The following RCBTB1 variants were observed in gnomAD, a reference collection of about 807,000 sequenced individuals.
RCBTB1 encodes RCC1 and BTB domain containing protein 1.
In RCBTB1, 46 loss-of-function variants were observed where a neutral mutation model predicts 62.4. That is an observed-to-expected ratio of 0.74 (90% confidence interval 0.58 to 0.94). The LOEUF is 0.94. RCBTB1 is among the 40% of genes least tolerant of loss of function. The pLI is 0.00. For synonymous variants in RCBTB1, 222 were observed against 245.8 expected (o/e 0.90, Z 0.91); for missense variants, 565 against 654.9 (o/e 0.86, Z 1.50).
At chr13:49,564,559 T>TG (rs1358629412) in intron 4 of RCBTB1, among the ~76,000 whole-genome samples, 47 of 109,604 alleles carry the variant, frequency 4.3e-4, no homozygotes, top group South Asian at 9.6e-4. Flanking sequence ...CACTCCAGCC[T>TG]GGAGACAGAG....
rs777383465 is a variant in RCBTB1 at position 49,544,878 on chromosome 13, CAT to C, written c.1046-17_1046-16del. The C allele has an allele frequency of 1.4e-5, 22 of 1,598,970 alleles. No homozygotes were observed. Among genetic ancestry groups the C allele is most frequent in the Admixed American group, 3.4e-5 (2 of 58,642 alleles). On this transcript the variant is annotated splice_polypyrimidine_tract_variant and intron_variant, in intron 9 of 12. Coordinates refer to ENST00000378302, the MANE Select transcript of RCBTB1 (RefSeq NM_018191.4). ...GTCTTCATGCTCTGAAGGCAACAAA[CAT>C]ATATTAATATGGCAAGTTCAAGGAA...
At chr13:49,540,826 G>C in intron 12 of RCBTB1, 50 bp downstream of exon 12, 1 of 1,585,582 alleles carries the variant, frequency 6.3e-7, no homozygotes, top group Non-Finnish European at 8.6e-7. Flanking sequence ...GGGGAGACGA[G>C]CACAAAGGGA....
intron 4 of RCBTB1, among the ~76,000 whole-genome samples, chr13:49,565,263 A>T (rs1250114827): frequency 2.0e-5 from 3 of 152,198 alleles, no homozygotes; most frequent in Non-Finnish European, 1.5e-5. Flanking sequence ...GTGATCTGCC[A>T]GCCTCGGCCT....
At position 49,538,776 on chromosome 13, in the gene RCBTB1, T is replaced by C. The variant is rs999725182; in HGVS notation, c.1455+2100A>G. Among the ~76,000 whole-genome samples the C allele has an allele frequency of 8.6e-5, 13 of 152,012 alleles. 1 individual carries two copies. In the South Asian group the frequency reaches 2.1e-3, roughly 24 times the overall value. ...ATATATATACACACACACACACATA[T>C]ATATATATGCCCTAGAAATAAAGAG... is the stretch of plus-strand genomic sequence containing the variant. On this transcript the variant is annotated intron_variant, in intron 12 of 12. Coordinates refer to ENST00000378302, the MANE Select transcript of RCBTB1 (RefSeq NM_018191.4).
chr13:49,572,928 C>A (rs1164527591), intron 2 of RCBTB1, among the ~76,000 whole-genome samples: 1 of 152,146 alleles, frequency 6.6e-6, no homozygotes, highest in African/African-American at 2.4e-5. Flanking sequence ...ATGGAAAGAA[C>A]CTTCAACTGG....
Position 49,566,780 on chromosome 13 carries a change from A to G in RCBTB1, c.127-12T>C, listed in dbSNP as rs747615791. ...CCAAATACAAAGACCTAGAAAATAG[A>G]TAGTTTTTTTTCTGAGTCTTTTGAC... On this transcript the variant is annotated splice_polypyrimidine_tract_variant and intron_variant, in intron 3 of 12. Transcript: ENST00000378302. 1 of 1,591,716 alleles carries G rather than the reference A, an allele frequency of 6.3e-7. No homozygotes were observed. The highest frequency in any genetic ancestry group is 8.5e-7 in the Non-Finnish European group (1 of 1,171,644).
chr13:49,578,540 A>C (rs1193419283), intron 2 of RCBTB1, among the ~76,000 whole-genome samples: 2 of 152,234 alleles, frequency 1.3e-5, no homozygotes, highest in Admixed American at 1.3e-4. Context: ...GTCAGATCCT[A>C]AGTAAGTGGA....
chr13:49,567,834 G>A (rs1441787580), intron 2 of RCBTB1, among the ~76,000 whole-genome samples: 1 of 152,182 alleles, frequency 6.6e-6, no homozygotes, highest in Non-Finnish European at 1.5e-5. Context: ...CGTCAAATCA[G>A]GCTATTCATT....
intron 2 of RCBTB1, among the ~76,000 whole-genome samples, chr13:49,577,114 G>C (rs1963836500): frequency 6.6e-6 from 1 of 152,218 alleles, no homozygotes; most frequent in South Asian, 2.1e-4. Flanking sequence ...GTGGCATGAG[G>C]AAGAAAAGGT....
chr13:49,567,890 C>A (rs1163788291), intron 2 of RCBTB1, among the ~76,000 whole-genome samples: 9 of 152,096 alleles, frequency 5.9e-5, no homozygotes, highest in Admixed American at 5.9e-4. Context: ...GATGTCTTGA[C>A]AAATGTGTGT....
At chr13:49,564,583 C>CAAAAA (rs10710755) in intron 4 of RCBTB1, among the ~76,000 whole-genome samples, 1 of 39,326 alleles carries the variant, frequency 2.5e-5, no homozygotes, top group African/African-American at 1.3e-4. Context: ...GACTCCTTCT[C>CAAAAA]AAAAAAAAAA....
At chr13:49,540,348 G>A (rs1249309384) in intron 12 of RCBTB1, among the ~76,000 whole-genome samples, 3 of 152,186 alleles carry the variant, frequency 2.0e-5, no homozygotes, top group Admixed American at 6.5e-5. Context: ...CAACAGATCT[G>A]TGAATCTCAG....
intron 11 of RCBTB1, among the ~76,000 whole-genome samples, chr13:49,541,309 T>C (rs1463084117): frequency 6.6e-6 from 1 of 152,018 alleles, no homozygotes; most frequent in Non-Finnish European, 1.5e-5. Flanking sequence ...TACTAGAAAA[T>C]TAAAATAAGC....
At chr13:49,582,208 C>T (rs760860572) in intron 1 of RCBTB1, among the ~76,000 whole-genome samples, 4 of 152,306 alleles carry the variant, frequency 2.6e-5, no homozygotes, top group East Asian at 1.9e-4. Context: ...ACAGAAGCGC[C>T]GGGCGCAGTG....
rs874398 is a variant in RCBTB1 at position 49,551,155 on chromosome 13, A to G, written c.854+171T>C. ...GAGGGAGAAGGGGGAAGGGGGAAGCAGGGAGGGAGAAGGAGGAAGGGGGAA... is the reference window on the plus strand; with the variant it reads ...GAGGGAGAAGGGGGAAGGGGGAAGCGGGGAGGGAGAAGGAGGAAGGGGGAA... On this transcript the variant is annotated intron_variant, in intron 8 of 12. Coordinates refer to ENST00000378302, the MANE Select transcript of RCBTB1 (RefSeq NM_018191.4). 107,235 of 549,750 alleles carry G rather than the reference A, an allele frequency of 0.2. 13,124 individuals carry two copies. Among genetic ancestry groups the G allele is most frequent in the African/African-American group, 0.44 (19,709 of 44,950 alleles). The allele number at this position is 549,750 out of a possible 1,614,324, so 34.1% of individuals were successfully genotyped here. A position where few individuals can be genotyped will look rare whatever the true frequency, so the allele number is the denominator to read the frequency against.
At chr13:49,554,789 T>C (rs1961705956) in intron 6 of RCBTB1, among the ~76,000 whole-genome samples, 2 of 152,184 alleles carry the variant, frequency 1.3e-5, no homozygotes, top group African/African-American at 2.4e-5. Context: ...AACACCGCCA[T>C]CTGTGGAAAA....
At chr13:49,570,824 G>A (rs1414953145) in intron 2 of RCBTB1, among the ~76,000 whole-genome samples, 1 of 152,204 alleles carries the variant, frequency 6.6e-6, no homozygotes, top group African/African-American at 2.4e-5. Flanking sequence ...CTTGTGAGGA[G>A]GAGACTGTAA....
At chr13:49,537,848 G>C (rs1423953649) in intron 12 of RCBTB1, 1 of 152,094 alleles carries the variant, frequency 6.6e-6, no homozygotes, top group Non-Finnish European at 1.5e-5. Flanking sequence ...TCATAGCAAG[G>C]GATCCACAAT....
chr13:49,577,060 G>A (rs1318104526), intron 2 of RCBTB1, among the ~76,000 whole-genome samples: 2 of 152,148 alleles, frequency 1.3e-5, no homozygotes, highest in Non-Finnish European at 2.9e-5. Context: ...CCCATTCCCT[G>A]GGATGGCTTA....
Sources: allele counts gnomAD v4.1 joint callset (sites outside exome capture counted in the v4.1 genomes callset), GRCh38; gene constraint gnomAD v4.1.1; transcripts MANE v1.5; gene names NCBI Gene and HGNC (gene_info 2026-07-23, HGNC 2026-07-21).